The following PCDHGA6 variants were observed in gnomAD, a reference collection of about 807,000 sequenced individuals.
The protein encoded by PCDHGA6 is protocadherin gamma subfamily A, 6.
A neutral mutation model predicts 60.6 loss-of-function variants in PCDHGA6; 41 were observed. The observed-to-expected ratio is 0.68, with a 90% confidence interval of 0.53 to 0.88. The LOEUF (loss-of-function observed/expected upper bound fraction) is 0.88. Among genes scored for constraint, PCDHGA6 ranks in the 40% least tolerant of loss-of-function variants. PCDHGA6 has a pLI of 0.00. For missense variants in PCDHGA6, 1,312 were observed against 1,203.0 expected (o/e 1.09, Z -1.34); for synonymous variants, 594 against 524.4 (o/e 1.13, Z -1.81).
chr5:141,403,612 GC>G, intron 1 of PCDHGA6: 1 of 1,613,854 alleles, frequency 6.2e-7, no homozygotes, highest in Non-Finnish European at 8.5e-7. Flanking sequence ...GCGGCGAGCC[GC>G]GTCGCTCCAG....
At chr5:141,463,583 G>A (rs1444995569) in intron 1 of PCDHGA6, among the ~76,000 whole-genome samples, 1 of 151,598 alleles carries the variant, frequency 6.6e-6, no homozygotes, top group African/African-American at 2.4e-5. Flanking sequence ...CGAGTAGCTG[G>A]GACTACAGGT....
At chr5:141,414,570 C>T in intron 1 of PCDHGA6, 1 of 1,613,980 alleles carries the variant, frequency 6.2e-7, no homozygotes. Context: ...TTACCTATAT[C>T]CCAGAGAACA....
intron 1 of PCDHGA6, among the ~76,000 whole-genome samples, chr5:141,465,824 T>A (rs1447359333): frequency 6.6e-6 from 1 of 152,076 alleles, no homozygotes; most frequent in Non-Finnish European, 1.5e-5. Context: ...ATCACATTTG[T>A]TTAAAATTTC....
intron 2 of PCDHGA6, among the ~76,000 whole-genome samples, chr5:141,495,471 G>A (rs2099761632): frequency 6.6e-6 from 1 of 152,190 alleles, no homozygotes; most frequent in Non-Finnish European, 1.5e-5. Context: ...TGGGGTCTCC[G>A]TGTCTCTGCC....
chr5:141,473,616 G>A (rs1049605139), intron 1 of PCDHGA6, among the ~76,000 whole-genome samples: 5 of 152,118 alleles, frequency 3.3e-5, no homozygotes, highest in African/African-American at 1.2e-4. Flanking sequence ...GCAAAGGGAG[G>A]GAGGAAAAAG....
intron 1 of PCDHGA6, among the ~76,000 whole-genome samples, chr5:141,474,163 T>A (rs958292802): frequency 2.0e-5 from 3 of 152,178 alleles, no homozygotes; most frequent in Non-Finnish European, 2.9e-5. Flanking sequence ...ATGACAGGCC[T>A]TATTATTGAG....
intron 1 of PCDHGA6, chr5:141,404,393 A>G: frequency 6.2e-7 from 1 of 1,613,962 alleles, no homozygotes; most frequent in Non-Finnish European, 8.5e-7. Flanking sequence ...TGACCCTGAT[A>G]GCAATGAGAA....
chr5:141,414,649 AT>A (rs1410490912), intron 1 of PCDHGA6: 15 of 1,613,914 alleles, frequency 9.3e-6, no homozygotes, highest in Non-Finnish European at 1.3e-5. Context: ...TGCCCAGATT[AT>A]TTACTCCCTG....
At chr5:141,434,117 G>T (rs2097672674) in intron 1 of PCDHGA6, among the ~76,000 whole-genome samples, 1 of 152,126 alleles carries the variant, frequency 6.6e-6, no homozygotes, top group African/African-American at 2.4e-5. Context: ...TGGCCTTTGG[G>T]ACTCCCTTTA....
At chr5:141,460,122 G>A (rs530307574) in intron 1 of PCDHGA6, among the ~76,000 whole-genome samples, 2 of 151,928 alleles carry the variant, frequency 1.3e-5, no homozygotes, top group African/African-American at 4.8e-5. Flanking sequence ...TTTTATATAT[G>A]TAATATATAT....
chr5:141,478,164 C>T, intron 1 of PCDHGA6: 1 of 1,614,010 alleles, frequency 6.2e-7, no homozygotes, highest in Non-Finnish European at 8.5e-7. Context: ...GGCTCTGCCC[C>T]CCGGGAGCAG....
At chr5:141,419,694 G>A in intron 1 of PCDHGA6, 1 of 1,612,974 alleles carries the variant, frequency 6.2e-7, no homozygotes, top group Non-Finnish European at 8.5e-7. Context: ...GTGCAGGCCA[G>A]TGAGCCCGGG....
rs1041367498 is a variant in PCDHGA6 at position 141,489,060 on chromosome 5, T to G, written c.2425-5747T>G. ...CAGCTCCACTCAAATTCAGCTCCCCTCCCCCCTGCCCACCCCCGCCACTCG... is the reference window on the plus strand; with the variant it reads ...CAGCTCCACTCAAATTCAGCTCCCCGCCCCCCTGCCCACCCCCGCCACTCG... On this transcript the variant is annotated intron_variant, in intron 1 of 3. Transcript: ENST00000517434. This position sits in a 1 kb window ranked among gnomAD's most constrained non-coding sequence, Gnocchi z 4.5. The G allele has an allele frequency of 1.7e-5, 5 of 300,224 alleles. No individual in the cohort carries two copies. The highest frequency in any genetic ancestry group is 2.4e-5 in the African/African-American group (1 of 42,484). The allele number at this position is 300,224 out of a possible 1,614,324, so 18.6% of individuals were successfully genotyped here.
intron 1 of PCDHGA6, chr5:141,399,309 CA>C: frequency 6.2e-7 from 1 of 1,613,902 alleles, no homozygotes; most frequent in Non-Finnish European, 8.5e-7. Flanking sequence ...TCTCTTCATC[CA>C]AAAATTCGTA....
chr5:141,455,130 A>T (rs1446894125), intron 1 of PCDHGA6, among the ~76,000 whole-genome samples: 2 of 150,970 alleles, frequency 1.3e-5, no homozygotes, highest in African/African-American at 4.8e-5. Flanking sequence ...GTTTTAAATT[A>T]CACTGTGTTA....
At position 141,505,629 on chromosome 5, in the gene PCDHGA6, C is replaced by T. The variant is rs1475582931; in HGVS notation, c.2572+148C>T. 7.4e-6 allele frequency: 11 copies of T among 1,482,192 alleles called. No individual in the cohort carries two copies. The African/African-American group carries it at 9.8e-5, about 13-fold the overall frequency. The allele number at this position is 1,482,192 out of a possible 1,614,324, so 91.8% of individuals were successfully genotyped here. ...GTCTGAAAGGACCCACAATTCCAAACATAAAGCCTGGAATTGTGGCTAAGG... is the reference window on the plus strand; with the variant it reads ...GTCTGAAAGGACCCACAATTCCAAATATAAAGCCTGGAATTGTGGCTAAGG... On this transcript the variant is annotated intron_variant, in intron 3 of 3. Coordinates refer to ENST00000517434, the MANE Select transcript of PCDHGA6 (RefSeq NM_018919.3).
intron 1 of PCDHGA6, chr5:141,384,712 T>C (rs1479257673): frequency 6.2e-7 from 1 of 1,614,074 alleles, no homozygotes; most frequent in Admixed American, 1.7e-5. Flanking sequence ...CGCCTGGCTG[T>C]CATACCTCCT....
chr5:141,477,431 G>T lies in PCDHGA6; in HGVS notation c.2425-17376G>T. 3 of 1,614,080 alleles carry T rather than the reference G, an allele frequency of 1.9e-6. No homozygotes were observed. The highest frequency in any genetic ancestry group is 2.5e-6 in the Non-Finnish European group (3 of 1,180,012). On this transcript the variant is annotated intron_variant, in intron 1 of 3. Transcript: ENST00000517434. This position sits in a 1 kb window ranked among gnomAD's most constrained non-coding sequence, Gnocchi z 4.9. ...AGACGCCGGAACCCCTTCCCTCTCA[G>T]CCCTTACAATAGTGCGTGTTCAAGT...
intron 1 of PCDHGA6, chr5:141,419,328 C>T (rs2096360351): frequency 6.2e-7 from 1 of 1,613,954 alleles, no homozygotes. Context: ...GTCTCCTACT[C>T]TCTCATTGCC....
Sources: gnomAD v4.1 joint callset for allele counts (sites outside exome capture counted in the v4.1 genomes callset) on GRCh38, gnomAD v4.1.1 for gene constraint, Gnocchi (gnomAD v3.1) non-coding constraint, MANE v1.5 for transcripts, NCBI Gene and HGNC (gene_info 2026-07-23, HGNC 2026-07-21) for gene names.